The following PLPP3 variants were observed in gnomAD, a reference collection of about 807,000 sequenced individuals.
PLPP3 encodes the protein PAP2 beta.
Under a neutral mutation model 29.6 loss-of-function variants are expected in PLPP3, and 6 were observed. The ratio of observed to expected loss-of-function variants is 0.20; its 90% CI spans 0.11 to 0.40. The LOEUF is 0.40. PLPP3 is among the 10% of genes least tolerant of loss of function. The pLI is 1.00. For missense variants in PLPP3, 308 were observed against 407.7 expected (o/e 0.76, Z 2.11); for synonymous variants, 152 against 159.7 (o/e 0.95, Z 0.36).
chr1:56,572,043 G>GTTTTTTTTTTTTT (rs375576842), intron 1 of PLPP3, among the ~76,000 whole-genome samples: 2 of 85,072 alleles, frequency 2.4e-5, no homozygotes, highest in African/African-American at 5.0e-5. Context: ...ATCATTTCTG[G>GTTTTTTTTTTTTT]TTTTTTTTTT....
intron 1 of PLPP3, among the ~76,000 whole-genome samples, chr1:56,566,374 CT>C (rs1309585679): frequency 1.6e-4 from 24 of 152,162 alleles, no homozygotes; most frequent in African/African-American, 5.8e-4. Flanking sequence ...ACTGCACCAC[CT>C]TTGGTAAGTT....
At position 56,556,990 on chromosome 1, in the gene PLPP3, GAAAGAAAGAAAGAA is replaced by G. The variant is rs1464532714; in HGVS notation, c.140-19892_140-19879del. On this transcript the variant is annotated intron_variant, in intron 1 of 5. Transcript: ENST00000371250. ...AGAAAGAAAGAAAGAAAGAAAGAAA[GAAAGAAAGAAAGAA>G]AGAAAGAGAGAGAGAGAGAGAAAGA... is the stretch of plus-strand genomic sequence containing the variant. 0.011 allele frequency among the ~76,000 whole-genome samples: 80 copies of G among 7,478 alleles called. 8 individuals carry two copies. The East Asian group carries it at 0.12, about 11-fold the overall frequency. 4.9% of individuals were successfully genotyped at this position (7,478 alleles called of 152,430 possible). A position where few individuals can be genotyped will look rare whatever the true frequency, so the allele number is the denominator to read the frequency against.
intron 2 of PLPP3, among the ~76,000 whole-genome samples, chr1:56,530,605 T>C (rs1046715424): frequency 1.3e-5 from 2 of 152,222 alleles, no homozygotes; most frequent in African/African-American, 2.4e-5. Flanking sequence ...TTTTGCAAGG[T>C]CTTTTGCATC....
chr1:56,506,701 A>G (rs1211049469), intron 5 of PLPP3, among the ~76,000 whole-genome samples: 3 of 152,168 alleles, frequency 2.0e-5, no homozygotes, highest in South Asian at 4.1e-4. Flanking sequence ...CCTTCGTCCT[A>G]GTCCCTGTGT....
intron 5 of PLPP3, among the ~76,000 whole-genome samples, chr1:56,504,391 G>A (rs996302666): frequency 1.3e-5 from 2 of 152,096 alleles, no homozygotes; most frequent in Non-Finnish European, 2.9e-5. Context: ...TATTAGGGAG[G>A]GTGTCTGGTA....
At chr1:56,576,713 C>A (rs1646237890) in intron 1 of PLPP3, among the ~76,000 whole-genome samples, 3 of 152,018 alleles carry the variant, frequency 2.0e-5, no homozygotes, top group Admixed American at 2.0e-4. Flanking sequence ...AAACATAAGA[C>A]CAACAGTGAA....
In PLPP3 at chr1:56,523,811, G is replaced by A. The variant is rs530722954; in HGVS notation, c.633+12C>T. 1.5e-5 allele frequency: 24 copies of A among 1,611,556 alleles called. No homozygotes were observed. The highest frequency in any genetic ancestry group is 1.9e-5 in the Non-Finnish European group (22 of 1,177,784). On this transcript the variant is annotated intron_variant, in intron 4 of 5. Coordinates refer to ENST00000371250, the MANE Select transcript of PLPP3 (RefSeq NM_003713.5). ...AACTGAGCACTGCTCAAATCAAAGG[G>A]TGGGTACTTACCACCAAATACAGCA...
intron 5 of PLPP3, among the ~76,000 whole-genome samples, chr1:56,507,414 C>T (rs1326505820): frequency 6.6e-6 from 1 of 152,152 alleles, no homozygotes. Flanking sequence ...TGATGAAGCA[C>T]CTATTGTGTC....
intron 4 of PLPP3, among the ~76,000 whole-genome samples, chr1:56,517,644 CTG>C (rs1349885261): frequency 2.0e-5 from 3 of 152,234 alleles, no homozygotes; most frequent in Non-Finnish European, 4.4e-5. Context: ...CTTTCTGAGT[CTG>C]TGCTCTAAGC....
intron 1 of PLPP3, among the ~76,000 whole-genome samples, chr1:56,555,087 C>T (rs758611962): frequency 5.3e-5 from 8 of 152,090 alleles, no homozygotes; most frequent in Non-Finnish European, 1.0e-4. Flanking sequence ...TTGTAATTTG[C>T]CAAATGATAC....
At position 56,569,805 on chromosome 1, in the gene PLPP3, C is replaced by A. The variant is rs544090277; in HGVS notation, c.139+9073G>T. Among the ~76,000 whole-genome samples, 3 of 152,254 alleles carry A rather than the reference C, an allele frequency of 2.0e-5. No individual in the cohort carries two copies. In the East Asian group the frequency reaches 5.8e-4, roughly 29 times the overall value. Reference sequence around the variant, plus strand: ...AAACACACAATATTGACATTCCAGCCTCCAGCTACTCACTCTTCCCAAATA... The same window carrying A: ...AAACACACAATATTGACATTCCAGCATCCAGCTACTCACTCTTCCCAAATA... On this transcript the variant is annotated intron_variant, in intron 1 of 5. Coordinates refer to ENST00000371250, the MANE Select transcript of PLPP3 (RefSeq NM_003713.5).
intron 2 of PLPP3, among the ~76,000 whole-genome samples, chr1:56,528,993 C>G (rs1645869953): frequency 1.3e-5 from 2 of 151,816 alleles, no homozygotes; most frequent in African/African-American, 4.8e-5. Flanking sequence ...CTAACAATCT[C>G]TTTCAGAGAC....
intron 2 of PLPP3, among the ~76,000 whole-genome samples, chr1:56,534,188 C>T (rs1316287198): frequency 6.6e-6 from 1 of 152,188 alleles, no homozygotes; most frequent in Non-Finnish European, 1.5e-5. Flanking sequence ...CCTAGTCTTA[C>T]TGCTGCTAGA....
At chr1:56,507,699 T>C (rs1007374497) in intron 5 of PLPP3, among the ~76,000 whole-genome samples, 2 of 152,178 alleles carry the variant, frequency 1.3e-5, no homozygotes, top group Non-Finnish European at 1.5e-5. Flanking sequence ...TGAATGATGC[T>C]ACATGATAAA....
intron 2 of PLPP3, among the ~76,000 whole-genome samples, chr1:56,533,304 C>G (rs1645903394): frequency 6.6e-6 from 1 of 152,156 alleles, no homozygotes; most frequent in Admixed American, 6.5e-5. Flanking sequence ...ATCCACCTGC[C>G]TTGGCCTATG....
chr1:56,520,385 G>T (rs780509316), intron 4 of PLPP3, among the ~76,000 whole-genome samples: 1 of 152,020 alleles, frequency 6.6e-6, no homozygotes, highest in Non-Finnish European at 1.5e-5. Flanking sequence ...TGAATCACAG[G>T]CTGCATGAAC....
At chr1:56,522,759 T>C (rs1039855262) in intron 4 of PLPP3, among the ~76,000 whole-genome samples, 6 of 152,242 alleles carry the variant, frequency 3.9e-5, no homozygotes, top group African/African-American at 1.4e-4. Flanking sequence ...ATCAAAATGT[T>C]CTTTTTTCAA....
At chr1:56,506,541 C>G (rs1478076057) in intron 5 of PLPP3, among the ~76,000 whole-genome samples, 1 of 152,232 alleles carries the variant, frequency 6.6e-6, no homozygotes. Context: ...CCATGAGCAG[C>G]TGCTTCCTCT....
chr1:56,551,279 G>GTTTGGTTTGGTTTGGTTTGGTTT (rs140430491), intron 1 of PLPP3, among the ~76,000 whole-genome samples: 1 of 135,924 alleles, frequency 7.4e-6, no homozygotes, highest in African/African-American at 2.7e-5. Context: ...TCTGGGTTTG[G>GTTTGGTTTGGTTTGGTTTGGTTT]GGTTTGGTTT....
Sources: allele counts gnomAD v4.1 joint callset (sites outside exome capture counted in the v4.1 genomes callset), GRCh38; gene constraint gnomAD v4.1.1; transcripts MANE v1.5; gene names NCBI Gene and HGNC (gene_info 2026-07-23, HGNC 2026-07-21).